The following FRMD3 variants were observed in gnomAD, a reference collection of about 807,000 sequenced individuals.
The protein encoded by FRMD3 is FERM domain containing 3.
Under a neutral mutation model 70.2 loss-of-function variants are expected in FRMD3, and 33 were observed. The ratio of observed to expected loss-of-function variants is 0.47; its 90% CI spans 0.36 to 0.63. FRMD3 has a LOEUF of 0.63. FRMD3 is among the 20% of genes least tolerant of loss of function. The pLI, the probability that FRMD3 is intolerant of heterozygous loss-of-function variation, is 0.00. For missense variants in FRMD3, 632 were observed against 711.4 expected, an observed-to-expected ratio of 0.89 and a Z score of 1.27; for synonymous variants, 279 against 255.9, an observed-to-expected ratio of 1.09 and a Z score of -0.86.
chr9:83,249,306 T>TTTA (rs1410069696), intron 13 of FRMD3, among the ~76,000 whole-genome samples: 1 of 152,206 alleles, frequency 6.6e-6, no homozygotes, highest in African/African-American at 2.4e-5. Flanking sequence ...TTTTCTAATG[T>TTTA]TTATTGAGAG....
At chr9:83,298,451 T>C (rs1275669530) in intron 12 of FRMD3, among the ~76,000 whole-genome samples, 1 of 152,112 alleles carries the variant, frequency 6.6e-6, no homozygotes, top group African/African-American at 2.4e-5. Context: ...ATGACAGAGT[T>C]TGGCCAGGTG....
At chr9:83,523,273 T>C (rs1829619463) in intron 1 of FRMD3, among the ~76,000 whole-genome samples, 1 of 151,740 alleles carries the variant, frequency 6.6e-6, no homozygotes, top group African/African-American at 2.4e-5. Flanking sequence ...GGTGGGTGAG[T>C]GGAAGAGTGG....
At chr9:83,321,870 A>C (rs925168442) in intron 6 of FRMD3, among the ~76,000 whole-genome samples, 10 of 152,126 alleles carry the variant, frequency 6.6e-5, no homozygotes, top group Non-Finnish European at 1.5e-4. Flanking sequence ...TTTTGGGTGC[A>C]TATATATCTA....
intron 1 of FRMD3, among the ~76,000 whole-genome samples, chr9:83,495,559 G>A (rs1294279891): frequency 1.3e-5 from 2 of 152,176 alleles, no homozygotes; most frequent in African/African-American, 2.4e-5. Flanking sequence ...GAGTTATTAC[G>A]TATTATTTCA....
intron 5 of FRMD3, among the ~76,000 whole-genome samples, chr9:83,342,063 C>CTCTCTCTCTCTCTT (rs1391576058): frequency 3.3e-5 from 5 of 151,756 alleles, no homozygotes; most frequent in Admixed American, 6.6e-5. Context: ...CTCTCTCTCT[C>CTCTCTCTCTCTCTT]TCTCTCTCTC....
chr9:83,421,473 A>G (rs1264233016), intron 1 of FRMD3, among the ~76,000 whole-genome samples: 3 of 150,184 alleles, frequency 2.0e-5, no homozygotes, highest in Non-Finnish European at 4.4e-5. Flanking sequence ...ACTGAGATGC[A>G]GAAAAAATTA....
chr9:83,443,998 A>G (rs1419807978), intron 1 of FRMD3, among the ~76,000 whole-genome samples: 4 of 152,264 alleles, frequency 2.6e-5, no homozygotes, highest in Non-Finnish European at 5.9e-5. Flanking sequence ...TCATTCAGTC[A>G]CTACAATTAT....
intron 1 of FRMD3, among the ~76,000 whole-genome samples, chr9:83,401,641 C>T (rs1483897086): frequency 1.3e-5 from 2 of 152,162 alleles, no homozygotes; most frequent in Non-Finnish European, 2.9e-5. Context: ...CTCCTAATCT[C>T]TTTGAGATGT....
At chr9:83,326,780 C>G (rs1836035844) in intron 6 of FRMD3, among the ~76,000 whole-genome samples, 1 of 152,136 alleles carries the variant, frequency 6.6e-6, no homozygotes. Flanking sequence ...TCTAATGAGA[C>G]ATTTAAAGGT....
chr9:83,366,281 A>C (rs1180309876), intron 3 of FRMD3, among the ~76,000 whole-genome samples: 1 of 152,174 alleles, frequency 6.6e-6, no homozygotes, highest in Non-Finnish European at 1.5e-5. Flanking sequence ...CAACACTAGG[A>C]GATCCTAGGC....
intron 8 of FRMD3, 99 bp downstream of exon 8, chr9:83,311,788 C>T (rs1835365087): frequency 1.2e-6 from 1 of 827,386 alleles, no homozygotes; most frequent in Non-Finnish European, 2.0e-6. Context: ...GAAATGGATA[C>T]CAGGCATTCT....
At chr9:83,363,214 A>G (rs1225901868) in intron 3 of FRMD3, among the ~76,000 whole-genome samples, 3 of 152,138 alleles carry the variant, frequency 2.0e-5, no homozygotes, top group African/African-American at 7.2e-5. Context: ...TTAAGTATAC[A>G]TCTTTCCAGT....
At chr9:83,490,012 A>G (rs1828780291) in intron 1 of FRMD3, among the ~76,000 whole-genome samples, 1 of 152,082 alleles carries the variant, frequency 6.6e-6, no homozygotes, top group Admixed American at 6.5e-5. Context: ...TGCCCTAGAG[A>G]ACTTGAATTC....
intron 3 of FRMD3, among the ~76,000 whole-genome samples, chr9:83,356,743 A>ATT (rs35678880): frequency 1.3e-5 from 2 of 151,526 alleles, no homozygotes; most frequent in Non-Finnish European, 2.9e-5. Flanking sequence ...CTTTTTAACA[A>ATT]TTTTTTTTAT....
intron 13 of FRMD3, among the ~76,000 whole-genome samples, chr9:83,283,188 C>T (rs1045908909): frequency 6.6e-6 from 1 of 152,154 alleles, no homozygotes; most frequent in African/African-American, 2.4e-5. Flanking sequence ...TTGGCATCTC[C>T]TACCCTAGAG....
intron 1 of FRMD3, among the ~76,000 whole-genome samples, chr9:83,454,035 C>G (rs922812456): frequency 1.3e-5 from 2 of 152,048 alleles, no homozygotes; most frequent in Non-Finnish European, 2.9e-5. Context: ...CTTAATGTAG[C>G]TACAAGAAAA....
intron 13 of FRMD3, among the ~76,000 whole-genome samples, chr9:83,261,239 T>C (rs1832977250): frequency 6.6e-6 from 1 of 152,214 alleles, no homozygotes; most frequent in Non-Finnish European, 1.5e-5. Flanking sequence ...GCTGCCAGCA[T>C]AGGCTGGCAT....
At chr9:83,507,695 T>C (rs1461357531) in intron 1 of FRMD3, among the ~76,000 whole-genome samples, 13 of 35,994 alleles carry the variant, frequency 3.6e-4, no homozygotes, top group East Asian at 1.0e-3. Flanking sequence ...TACATACATA[T>C]ATATATATAT....
intron 1 of FRMD3, among the ~76,000 whole-genome samples, chr9:83,520,181 G>A (rs1829540610): frequency 6.6e-6 from 1 of 152,028 alleles, no homozygotes; most frequent in Admixed American, 6.6e-5. Flanking sequence ...CAGATGCCTG[G>A]GTCCCAATCT....
Sources: gnomAD v4.1 joint callset for allele counts (sites outside exome capture counted in the v4.1 genomes callset) on GRCh38, gnomAD v4.1.1 for gene constraint, MANE v1.5 for transcripts, NCBI Gene and HGNC (gene_info 2026-07-23, HGNC 2026-07-21) for gene names.